Variants in AGBL1 observed in about 807,000 individuals in gnomAD.
The protein encoded by AGBL1 is AGBL carboxypeptidase 1.
In AGBL1, 130 loss-of-function variants were observed where a neutral mutation model predicts 118.9. The observed-to-expected ratio is 1.09, with a 90% CI of 0.95 to 1.26. The LOEUF (loss-of-function observed/expected upper bound fraction) is 1.26. AGBL1 is among the 50% of genes most tolerant of loss of function. AGBL1 has a pLI of 0.00. For missense variants in AGBL1, 1,584 were observed against 1,298.1 expected, an observed-to-expected ratio of 1.22 and a Z score of -3.38; for synonymous variants, 555 against 478.9, an observed-to-expected ratio of 1.16 and a Z score of -2.08.
At chr15:86,923,132 G>A (rs926806997) in intron 23 of AGBL1, among the ~76,000 whole-genome samples, 6 of 152,158 alleles carry the variant, frequency 3.9e-5, no homozygotes, top group Admixed American at 3.3e-4. Context: ...GTCTATCTGC[G>A]CTCTCATCCC....
intron 22 of AGBL1, among the ~76,000 whole-genome samples, chr15:86,727,665 TTATC>T (rs1398708389): frequency 6.6e-6 from 1 of 152,188 alleles, no homozygotes; most frequent in Non-Finnish European, 1.5e-5. Context: ...AAAATAGAGT[TTATC>T]TAATAATAAT....
intron 22 of AGBL1, among the ~76,000 whole-genome samples, chr15:86,761,865 T>C (rs1033404406): frequency 7.2e-5 from 11 of 152,118 alleles, no homozygotes; most frequent in African/African-American, 2.7e-4. Flanking sequence ...ATTTTTGCTT[T>C]TGTTGCAATT....
chr15:86,722,461 A>C lies in AGBL1; in HGVS notation c.3158+48025A>C, dbSNP rs908635133. On this transcript the variant is annotated intron_variant, in intron 22 of 22. Transcript: ENST00000614907. ...GGAAAACTGGCTAGCCATCTGTAGA[A>C]AGCTGAAACTGGATCCCTTCCTTAC... Among the ~76,000 whole-genome samples, 677 of 152,310 alleles carry C rather than the reference A, an allele frequency of 4.4e-3. 3 individuals are homozygous for C. Among genetic ancestry groups the C allele is most frequent in the Middle Eastern group, 0.02 (6 of 294 alleles).
chr15:86,552,468 A>G (rs138543001), intron 20 of AGBL1, among the ~76,000 whole-genome samples: 52 of 152,336 alleles, frequency 3.4e-4, no homozygotes, highest in African/African-American at 1.1e-3. Flanking sequence ...AGTATTATTG[A>G]TCACTTTAGT....
intron 18 of AGBL1, among the ~76,000 whole-genome samples, chr15:86,518,210 G>A (rs1458684849): frequency 6.6e-6 from 1 of 151,928 alleles, no homozygotes; most frequent in Non-Finnish European, 1.5e-5. Context: ...GTCTCTGCTT[G>A]TGGTCCTTTC....
At chr15:86,586,008 A>G (rs188843860) in intron 21 of AGBL1, among the ~76,000 whole-genome samples, 40 of 152,332 alleles carry the variant, frequency 2.6e-4, no homozygotes, top group East Asian at 3.9e-4. Flanking sequence ...TTCAGTGTCT[A>G]TTTAGACACA....
In AGBL1 at chr15:86,279,768, C is replaced by A. The variant is rs756859978; in HGVS notation, c.2205C>A (p.Thr735=). Residue 735 remains threonine, a synonymous_variant, in exon 16 of 23, where the codon ACC becomes ACA. Transcript: ENST00000614907. ...ACCTGGCCTACCACTATCCCTATAC[C>A]TACACAGCCCTCATGGTAACTTCCT... ...VCYLAYHYPY[T]YTALMTHLDI... 24 of 1,613,602 alleles carry A rather than the reference C, an allele frequency of 1.5e-5. No individual in the cohort carries two copies. Among genetic ancestry groups the A allele is most frequent in the Non-Finnish European group, 2.5e-6 (3 of 1,179,722 alleles).
At position 86,256,931 on chromosome 15, in the gene AGBL1, C is replaced by G; in HGVS notation, c.814C>G (p.Pro272Ala). The G allele has an allele frequency of 1.9e-6, 3 of 1,613,960 alleles. No homozygotes were observed. Among genetic ancestry groups the G allele is most frequent in the Non-Finnish European group, 2.5e-6 (3 of 1,179,888 alleles). The change falls in exon 8 of 23, where the codon CCA (proline) becomes GCA (alanine). Residue 272 changes from proline to alanine, a missense_variant. By Grantham distance (27) the Pro-to-Ala change is conservative. Transcript: ENST00000614907. ...CCTGAGGCAGTGCTACCCTACGAGT[C>G]CACTTCCCTTGGTCACAGCCAGCAG... ...QILRQCYPTS[P>A]LPLVTASSAY...
chr15:86,355,697 T>G (rs1274707618), intron 17 of AGBL1, among the ~76,000 whole-genome samples: 1 of 152,170 alleles, frequency 6.6e-6, no homozygotes, highest in Non-Finnish European at 1.5e-5. Flanking sequence ...TACAACAGAA[T>G]TGGTCCTGCT....
intron 17 of AGBL1, among the ~76,000 whole-genome samples, chr15:86,371,220 T>G (rs779604723): frequency 1.3e-5 from 2 of 152,108 alleles, no homozygotes; most frequent in Non-Finnish European, 2.9e-5. Flanking sequence ...AAAAATTAAG[T>G]TGTGCTTCGT....
At chr15:86,141,952 C>A in intron 1 of AGBL1, 52 bp from the exon 2 acceptor site, 2 of 1,515,814 alleles carry the variant, frequency 1.3e-6, no homozygotes, top group South Asian at 1.2e-5. Flanking sequence ...CCTGATCATC[C>A]AACTCCTTCC....
chr15:86,241,121 G>T (rs1283631077), intron 6 of AGBL1, among the ~76,000 whole-genome samples: 14 of 152,150 alleles, frequency 9.2e-5, no homozygotes, highest in Admixed American at 7.9e-4. Context: ...GTATGTATGG[G>T]AGTGTTTCAG....
intron 23 of AGBL1, among the ~76,000 whole-genome samples, chr15:86,962,575 C>G (rs959985725): frequency 2.0e-5 from 3 of 151,878 alleles, no homozygotes; most frequent in African/African-American, 7.3e-5. Context: ...ATAAAGCTCT[C>G]CTAGGGAGAC....
chr15:86,937,799 A>G (rs1165060306), intron 23 of AGBL1, among the ~76,000 whole-genome samples: 1 of 152,212 alleles, frequency 6.6e-6, no homozygotes, highest in South Asian at 2.1e-4. Context: ...CAAAACTAAA[A>G]TAAAAGTTAA....
chr15:86,706,928 G>C (rs1024571391), intron 22 of AGBL1, among the ~76,000 whole-genome samples: 1 of 152,044 alleles, frequency 6.6e-6, no homozygotes, highest in Non-Finnish European at 1.5e-5. Context: ...CCTATGGAGA[G>C]TAAAAAGGGA....
chr15:86,272,146 A>G (rs1187417912), intron 15 of AGBL1, among the ~76,000 whole-genome samples: 1 of 152,218 alleles, frequency 6.6e-6, no homozygotes, highest in African/African-American at 2.4e-5. Context: ...AATTACACAT[A>G]AGTAACTCCT....
Position 86,795,954 on chromosome 15 carries a change from A to G in AGBL1, c.3159-111133A>G, listed in dbSNP as rs536477694. ...AGCACCAGATTGCCTTCCTGGAGAC[A>G]TGGCACCTCAGTTTCACTGTGTTAG... On this transcript the variant is annotated intron_variant, in intron 22 of 22. Coordinates refer to ENST00000614907, the MANE Select transcript of AGBL1 (RefSeq NM_001386094.1). Among the ~76,000 whole-genome samples the G allele has an allele frequency of 7.9e-5, 12 of 151,940 alleles. No individual in the cohort carries two copies. The East Asian group carries it at 2.2e-3, about 27-fold the overall frequency.
intron 18 of AGBL1, among the ~76,000 whole-genome samples, chr15:86,460,656 G>A (rs1258210958): frequency 6.6e-6 from 1 of 152,150 alleles, no homozygotes; most frequent in East Asian, 1.9e-4. Flanking sequence ...TACACCACGG[G>A]AAATCCTTAC....
intron 23 of AGBL1, among the ~76,000 whole-genome samples, chr15:86,953,981 A>C (rs2080905332): frequency 6.6e-6 from 1 of 152,148 alleles, no homozygotes; most frequent in African/African-American, 2.4e-5. Context: ...ACATTTGAAA[A>C]AATGCTCCTC....
Sources: gnomAD v4.1 joint callset for allele counts (sites outside exome capture counted in the v4.1 genomes callset) on GRCh38, gnomAD v4.1.1 for gene constraint, MANE v1.5 for transcripts, NCBI Gene and HGNC (gene_info 2026-07-23, HGNC 2026-07-21) for gene names.